The following CYTH3 variants were observed in gnomAD, a reference collection of about 807,000 sequenced individuals.
The protein encoded by CYTH3 is cytohesin 3, also known as cytohesin-3.
Under a neutral mutation model 55.1 loss-of-function variants are expected in CYTH3, and 23 were observed. The ratio of observed to expected loss-of-function variants is 0.42; its 90% CI spans 0.30 to 0.59. The LOEUF (loss-of-function observed/expected upper bound fraction) is 0.59, where lower values mean the gene tolerates loss of function less well. CYTH3 is among the 20% of genes least tolerant of loss of function. The pLI, the probability that CYTH3 is intolerant of heterozygous loss-of-function variation, is 0.20. For synonymous variants in CYTH3, 249 were observed against 194.9 expected (o/e 1.28, Z -2.31); for missense variants, 413 against 524.8 (o/e 0.79, Z 2.08).
intron 1 of CYTH3, among the ~76,000 whole-genome samples, chr7:6,197,630 C>CCAAG (rs1306621059): frequency 1.3e-5 from 2 of 152,086 alleles, no homozygotes; most frequent in African/African-American, 4.8e-5. Flanking sequence ...TTGCAGTGAG[C>CCAAG]CAAGATCATG....
chr7:6,173,757 C>T, intron 5 of CYTH3, 24 bp from the exon 6 acceptor site: 1 of 1,378,004 alleles, frequency 7.3e-7, no homozygotes, highest in Non-Finnish European at 1.0e-6. Context: ...AAGTAAGTTT[C>T]AAACCTAATG....
intron 4 of CYTH3, among the ~76,000 whole-genome samples, chr7:6,186,108 G>C (rs531769565): frequency 1.3e-5 from 2 of 151,950 alleles, no homozygotes; most frequent in Admixed American, 1.3e-4. Context: ...GCCGGGCGTG[G>C]TGGCGGGCGC....
chr7:6,202,254 C>T (rs916473906), intron 1 of CYTH3, among the ~76,000 whole-genome samples: 9 of 152,156 alleles, frequency 5.9e-5, no homozygotes, highest in Admixed American at 3.9e-4. Context: ...AGAAACCACA[C>T]GGAAGAGTCC....
At chr7:6,184,932 A>C (rs1173239137) in intron 4 of CYTH3, among the ~76,000 whole-genome samples, 1 of 152,222 alleles carries the variant, frequency 6.6e-6, no homozygotes, top group Non-Finnish European at 1.5e-5. Context: ...TCATGAGATT[A>C]GAATTTATCC....
chr7:6,174,514 G>GGT (rs1025360441), intron 5 of CYTH3, among the ~76,000 whole-genome samples: 17 of 150,054 alleles, frequency 1.1e-4, no homozygotes, highest in African/African-American at 3.9e-4. Flanking sequence ...CAGCCTAATG[G>GGT]GTGTGAAATG....
chr7:6,242,527 T>A (rs1562406825), intron 1 of CYTH3, among the ~76,000 whole-genome samples: 1 of 149,928 alleles, frequency 6.7e-6, no homozygotes, highest in African/African-American at 2.5e-5. Flanking sequence ...CAGGCACTCG[T>A]CACCACACCC....
At chr7:6,214,249 G>T (rs1784381542) in intron 1 of CYTH3, among the ~76,000 whole-genome samples, 1 of 152,170 alleles carries the variant, frequency 6.6e-6, no homozygotes, top group Non-Finnish European at 1.5e-5. Flanking sequence ...TTACACCTAA[G>T]CCACTGTATA....
chr7:6,202,702 G>A (rs1044857585), intron 1 of CYTH3, among the ~76,000 whole-genome samples: 4 of 151,784 alleles, frequency 2.6e-5, no homozygotes, highest in Non-Finnish European at 4.4e-5. Context: ...GAGGTGATCC[G>A]CCCGCCTTGG....
chr7:6,176,122 T>C (rs542543343), intron 5 of CYTH3, among the ~76,000 whole-genome samples: 22 of 152,288 alleles, frequency 1.4e-4, no homozygotes, highest in South Asian at 1.2e-3. Flanking sequence ...TTTGTGGTTT[T>C]TGGAGTAAAA....
intron 5 of CYTH3, among the ~76,000 whole-genome samples, chr7:6,177,271 G>A (rs941351314): frequency 3.2e-4 from 49 of 152,144 alleles, no homozygotes; most frequent in African/African-American, 1.1e-3. Context: ...GAACTACTGG[G>A]CTTTTGTTTA....
intron 1 of CYTH3, among the ~76,000 whole-genome samples, chr7:6,236,078 C>T (rs1779514303): frequency 6.6e-6 from 1 of 152,338 alleles, no homozygotes; most frequent in Non-Finnish European, 1.5e-5. Context: ...CTACCTGATA[C>T]TTAACTACTC....
chr7:6,272,233 G>A (rs1206999797), intron 1 of CYTH3, among the ~76,000 whole-genome samples: 1 of 151,192 alleles, frequency 6.6e-6, no homozygotes, highest in Non-Finnish European at 1.5e-5. Context: ...GGCAGCCCCG[G>A]CCTGGTACCC....
intron 2 of CYTH3, 73 bp from the exon 3 acceptor site, chr7:6,187,794 T>C: frequency 1.6e-6 from 2 of 1,284,928 alleles, no homozygotes; most frequent in Non-Finnish European, 2.3e-6. Context: ...GAAATTTTAG[T>C]TCTCTTGTGA....
Position 6,248,332 on chromosome 7 carries a change from C to T in CYTH3, c.34+24142G>A, listed in dbSNP as rs575019430. On this transcript the variant is annotated intron_variant, in intron 1 of 12. Transcript: ENST00000350796. ...TTTTTATTGTTGCTGTTTTCTAACT[C>T]TAAGTTTATAGGCTGGAGGATGCAT... 3.3e-5 allele frequency among the ~76,000 whole-genome samples: 5 copies of T among 150,046 alleles called. No homozygotes were observed. In the South Asian group the frequency reaches 8.6e-4, roughly 26 times the overall value.
At chr7:6,259,178 T>C (rs1348702844) in intron 1 of CYTH3, among the ~76,000 whole-genome samples, 1 of 152,234 alleles carries the variant, frequency 6.6e-6, no homozygotes, top group Non-Finnish European at 1.5e-5. Flanking sequence ...GCCAAACATC[T>C]GGATGAAAAC....
intron 4 of CYTH3, among the ~76,000 whole-genome samples, chr7:6,185,890 A>T (rs1783631179): frequency 6.6e-6 from 1 of 152,018 alleles, no homozygotes; most frequent in Non-Finnish European, 1.5e-5. Flanking sequence ...TCGAAGGAAC[A>T]AATAATTAAC....
chr7:6,252,552 C>A (rs996755929), intron 1 of CYTH3, among the ~76,000 whole-genome samples: 2 of 152,002 alleles, frequency 1.3e-5, no homozygotes, highest in Non-Finnish European at 2.9e-5. Flanking sequence ...TTTTCCCACC[C>A]TGCCCTTTCC....
intron 5 of CYTH3, among the ~76,000 whole-genome samples, chr7:6,175,710 G>A (rs938068778): frequency 1.4e-4 from 22 of 151,844 alleles, no homozygotes; most frequent in African/African-American, 4.8e-4. Flanking sequence ...ATCATGTCTG[G>A]CTAATTTTTC....
Position 6,165,721 on chromosome 7 carries a change from G to A in CYTH3, c.900+13C>T. On this transcript the variant is annotated intron_variant, in intron 10 of 12. Coordinates refer to ENST00000350796, the MANE Select transcript of CYTH3 (RefSeq NM_004227.4). The stretch of plus-strand genomic sequence containing the variant: ...CTGCTGGGAGGCGGCAAGGAGGCCT[G>A]GCCCTTACTTACTGTTGTGTATTCA... The A allele has an allele frequency of 6.2e-7, 1 of 1,614,104 alleles. No individual in the cohort carries two copies. The highest frequency in any genetic ancestry group is 8.5e-7 in the Non-Finnish European group (1 of 1,179,950).
Sources: gnomAD v4.1 joint callset for allele counts (sites outside exome capture counted in the v4.1 genomes callset) on GRCh38, gnomAD v4.1.1 for gene constraint, MANE v1.5 for transcripts, NCBI Gene and HGNC (gene_info 2026-07-23, HGNC 2026-07-21) for gene names.